FBRSL1: variants seen among roughly 807,000 people sequenced by gnomAD.
The protein encoded by FBRSL1 is fibrosin-1-like protein.
In FBRSL1, 51 loss-of-function variants were observed where a neutral mutation model predicts 89.6. The observed-to-expected ratio is 0.57, with a 90% CI of 0.45 to 0.72. FBRSL1 has a LOEUF of 0.72. FBRSL1 is among the 30% of genes least tolerant of loss of function. The pLI is 0.00. For missense variants in FBRSL1, 1,618 were observed against 1,451.8 expected (o/e 1.11, Z -1.86); for synonymous variants, 779 against 681.1 (o/e 1.14, Z -2.24).
At chr12:132,498,624 C>G (rs999757097) in intron 1 of FBRSL1, among the ~76,000 whole-genome samples, 1 of 152,262 alleles carries the variant, frequency 6.6e-6, no homozygotes, top group Non-Finnish European at 1.5e-5. Context: ...GTCCAGATCC[C>G]CTGGGAGCTT....
At chr12:132,501,211 A>T (rs1429254948) in intron 1 of FBRSL1, among the ~76,000 whole-genome samples, 2 of 152,182 alleles carry the variant, frequency 1.3e-5, no homozygotes, top group African/African-American at 4.8e-5. Flanking sequence ...CTGGGAGCCC[A>T]GCCCCTACCA....
At chr12:132,569,469 G>T (rs1168879410) in intron 6 of FBRSL1, among the ~76,000 whole-genome samples, 1 of 152,182 alleles carries the variant, frequency 6.6e-6, no homozygotes, top group East Asian at 1.9e-4. Context: ...CCCATGCCCT[G>T]GGCTGAGGGC....
chr12:132,574,378 AG>A, intron 13 of FBRSL1, 30 bp downstream of exon 13: 1 of 1,549,734 alleles, frequency 6.5e-7, no homozygotes, highest in Non-Finnish European at 8.7e-7. Flanking sequence ...GCCCGTGGCA[AG>A]GGAGGACTCT....
At chr12:132,566,865 C>T (rs945001914) in intron 5 of FBRSL1, among the ~76,000 whole-genome samples, 3 of 151,114 alleles carry the variant, frequency 2.0e-5, no homozygotes, top group African/African-American at 4.9e-5. Context: ...GCTGGGAGCT[C>T]GGCCGACCCC....
At chr12:132,561,169 T>C (rs2039092137) in intron 5 of FBRSL1, among the ~76,000 whole-genome samples, 2 of 152,184 alleles carry the variant, frequency 1.3e-5, no homozygotes, top group South Asian at 4.1e-4. Context: ...CTCCGGGGCC[T>C]CTGCTAGGGC....
intron 1 of FBRSL1, among the ~76,000 whole-genome samples, chr12:132,492,048 C>T (rs1431850729): frequency 6.6e-6 from 1 of 152,212 alleles, no homozygotes; most frequent in Non-Finnish European, 1.5e-5. Flanking sequence ...GGCCCTGGGG[C>T]TGTCTTCTGC....
intron 4 of FBRSL1, among the ~76,000 whole-genome samples, chr12:132,529,354 G>T (rs949973303): frequency 6.6e-6 from 1 of 152,206 alleles, no homozygotes; most frequent in Admixed American, 6.5e-5. Context: ...CGGCATGGGC[G>T]GCGCGGCCAC....
Position 132,583,057 on chromosome 12 carries a change from C to A in FBRSL1, c.2288C>A (p.Ala763Asp). 1 of 1,447,944 alleles carries A rather than the reference C, an allele frequency of 6.9e-7. No individual in the cohort carries two copies. Among genetic ancestry groups the A allele is most frequent in the Non-Finnish European group, 9.0e-7 (1 of 1,107,582 alleles). The allele number at this position is 1,447,944 out of a possible 1,614,324, so 89.7% of individuals were successfully genotyped here. A position where few individuals can be genotyped will look rare whatever the true frequency, so the allele number is the denominator to read the frequency against. The change falls in exon 19 of 19, where the codon GCC (alanine) becomes GAC (aspartate). Residue 763 changes from alanine to aspartate, a missense_variant. Transcript: ENST00000680143. The stretch of plus-strand genomic sequence containing the variant: ...CCCGTCAGCGGCCTCCTGCTCCGGG[C>A]CCAGAGCGAGCTGGGCCGGTCCGGG... The part of the protein sequence containing the change: ...GHPVSGLLLR[A>D]QSELGRSGAP...
chr12:132,513,303 C>G (rs1475190617), intron 2 of FBRSL1, among the ~76,000 whole-genome samples: 1 of 152,094 alleles, frequency 6.6e-6, no homozygotes, highest in Admixed American at 6.5e-5. Flanking sequence ...TCCCTTGTTT[C>G]TGGAAGGGGT....
At chr12:132,497,488 C>A (rs1432913913) in intron 1 of FBRSL1, among the ~76,000 whole-genome samples, 7 of 152,122 alleles carry the variant, frequency 4.6e-5, no homozygotes, top group African/African-American at 1.7e-4. Context: ...CCCTGAGTGA[C>A]CCCTGTGTCC....
chr12:132,510,700 GCCTGCCGCC>G, intron 2 of FBRSL1: 1 of 1,219,218 alleles, frequency 8.2e-7, no homozygotes, highest in Non-Finnish European at 1.0e-6. Flanking sequence ...ACCCGCGTCT[GCCTGCCGCC>G]CCGCCATGCT....
intron 15 of FBRSL1, among the ~76,000 whole-genome samples, chr12:132,579,980 G>A (rs905434830): frequency 2.0e-5 from 3 of 152,164 alleles, no homozygotes; most frequent in Non-Finnish European, 4.4e-5. Context: ...GTGTCCATCC[G>A]TCACGCCTGA....
At chr12:132,506,280 A>G (rs1016074410) in intron 1 of FBRSL1, among the ~76,000 whole-genome samples, 2 of 152,180 alleles carry the variant, frequency 1.3e-5, no homozygotes, top group Admixed American at 6.5e-5. Flanking sequence ...AAAGCAGAGT[A>G]ACACTAGAGC....
At chr12:132,564,030 T>C (rs1028041307) in intron 5 of FBRSL1, among the ~76,000 whole-genome samples, 1 of 151,986 alleles carries the variant, frequency 6.6e-6, no homozygotes, top group Non-Finnish European at 1.5e-5. Flanking sequence ...GGGGCCGCGC[T>C]CACGGTCACA....
intron 1 of FBRSL1, among the ~76,000 whole-genome samples, chr12:132,502,585 C>T (rs904623896): frequency 4.6e-5 from 7 of 152,212 alleles, no homozygotes; most frequent in South Asian, 4.1e-4. Flanking sequence ...CCTCCAGGCT[C>T]AGCCCCTATC....
At chr12:132,507,355 C>T (rs148771463) in intron 1 of FBRSL1, 1 of 985,486 alleles carries the variant, frequency 1.0e-6, no homozygotes, top group East Asian at 1.1e-4. Context: ...TCTGCACCAG[C>T]CCTGGTGCCA....
At chr12:132,575,760 G>A (rs890311274) in intron 14 of FBRSL1, among the ~76,000 whole-genome samples, 3 of 152,266 alleles carry the variant, frequency 2.0e-5, no homozygotes, top group African/African-American at 7.2e-5. Flanking sequence ...CCTCACGCCT[G>A]CCCCCACGTA....
intron 4 of FBRSL1, among the ~76,000 whole-genome samples, chr12:132,547,127 G>A (rs1046950542): frequency 1.3e-5 from 2 of 152,116 alleles, no homozygotes; most frequent in African/African-American, 2.4e-5. Flanking sequence ...TGTGTTCTTC[G>A]TAGAGCTCTG....
chr12:132,510,671 A>G, intron 2 of FBRSL1: 1 of 1,227,848 alleles, frequency 8.1e-7, no homozygotes, highest in Non-Finnish European at 1.0e-6. Flanking sequence ...GAGGCTCACC[A>G]CACCAGGAAG....
Sources: allele counts gnomAD v4.1 joint callset (sites outside exome capture counted in the v4.1 genomes callset), GRCh38; gene constraint gnomAD v4.1.1; transcripts MANE v1.5; gene names NCBI Gene and HGNC (gene_info 2026-07-23, HGNC 2026-07-21).